The following PCCA variants were observed in gnomAD, a reference collection of about 807,000 sequenced individuals.
PCCA encodes the protein propionyl-CoA carboxylase alpha chain, mitochondrial.
PCCA carries 74 observed loss-of-function variants against 101.3 expected under a neutral mutation model. The observed-to-expected ratio is 0.73, with a 90% CI of 0.61 to 0.89. The LOEUF (loss-of-function observed/expected upper bound fraction) is 0.89. Ranked by LOEUF, PCCA falls within the 40% of genes least tolerant of loss-of-function variation. The probability of loss-of-function intolerance (pLI) is 0.00; values close to 1 mark genes in which losing one functional copy is unlikely to be tolerated. For synonymous variants in PCCA, 294 were observed against 313.6 expected, an observed-to-expected ratio of 0.94 and a Z score of 0.66; for missense variants, 891 against 907.0, an observed-to-expected ratio of 0.98 and a Z score of 0.23.
chr13:100,504,877 G>T (rs549305389), intron 21 of PCCA, among the ~76,000 whole-genome samples: 33 of 152,198 alleles, frequency 2.2e-4, no homozygotes, highest in Admixed American at 8.5e-4. Context: ...AGGCTGCAGT[G>T]AGCCAAGATC....
At chr13:100,463,553 T>G (rs2082317520) in intron 21 of PCCA, among the ~76,000 whole-genome samples, 1 of 152,046 alleles carries the variant, frequency 6.6e-6, no homozygotes, top group Non-Finnish European at 1.5e-5. Flanking sequence ...TGGACTCTAT[T>G]AAAAAGATGG....
intron 7 of PCCA, 42 bp downstream of exon 7, chr13:100,209,505 T>A: frequency 6.4e-7 from 1 of 1,561,410 alleles, no homozygotes; most frequent in South Asian, 1.1e-5. Context: ...GTCTTCAAGT[T>A]AAACATTTTG....
At chr13:100,475,901 A>G (rs2083384121) in intron 21 of PCCA, among the ~76,000 whole-genome samples, 1 of 152,192 alleles carries the variant, frequency 6.6e-6, no homozygotes, top group Non-Finnish European at 1.5e-5. Context: ...TTCCCTAGAA[A>G]TCATAATTAA....
intron 19 of PCCA, among the ~76,000 whole-genome samples, chr13:100,421,680 AT>A (rs1264625622): frequency 1.3e-5 from 2 of 150,826 alleles, no homozygotes; most frequent in Middle Eastern, 3.4e-3. Context: ...CTTGTACATG[AT>A]TTCTTATTTT....
chr13:100,428,637 T>C (rs542508448), intron 20 of PCCA, among the ~76,000 whole-genome samples: 1 of 152,252 alleles, frequency 6.6e-6, no homozygotes, highest in South Asian at 2.1e-4. Flanking sequence ...TTTAATATGC[T>C]TCAGAATCAA....
chr13:100,400,076 C>T (rs1217806281), intron 19 of PCCA, among the ~76,000 whole-genome samples: 6 of 152,168 alleles, frequency 3.9e-5, no homozygotes, highest in Non-Finnish European at 8.8e-5. Context: ...ACGACTGGGA[C>T]TTGCTTCTTA....
intron 19 of PCCA, among the ~76,000 whole-genome samples, chr13:100,371,087 A>T (rs1595634149): frequency 6.6e-6 from 1 of 152,196 alleles, no homozygotes; most frequent in East Asian, 1.9e-4. Flanking sequence ...TTAAAAAGAA[A>T]AATATATAGA....
At chr13:100,400,774 C>T (rs547682681) in intron 19 of PCCA, among the ~76,000 whole-genome samples, 44 of 151,590 alleles carry the variant, frequency 2.9e-4, no homozygotes, top group Admixed American at 7.2e-4. Context: ...TGTAGGTGCC[C>T]GCCACCATGC....
intron 21 of PCCA, among the ~76,000 whole-genome samples, chr13:100,451,991 C>T (rs1331292547): frequency 2.9e-4 from 24 of 83,008 alleles, no homozygotes; most frequent in African/African-American, 1.1e-3. Context: ...TCTCTCTTTT[C>T]TCCCTCTCTC....
At chr13:100,171,646 CG>C (rs1430106194) in intron 6 of PCCA, among the ~76,000 whole-genome samples, 1 of 152,178 alleles carries the variant, frequency 6.6e-6, no homozygotes, top group African/African-American at 2.4e-5. Context: ...CCTAGCAGTT[CG>C]GGAGGCTGAA....
intron 8 of PCCA, among the ~76,000 whole-genome samples, chr13:100,248,201 A>C (rs2061557548): frequency 6.6e-6 from 1 of 151,916 alleles, no homozygotes; most frequent in South Asian, 2.1e-4. Context: ...TTGTATTTAA[A>C]ATTATATTTT....
chr13:100,100,279 A>G (rs1027442856), intron 1 of PCCA, among the ~76,000 whole-genome samples: 5 of 152,116 alleles, frequency 3.3e-5, no homozygotes, highest in African/African-American at 1.2e-4. Flanking sequence ...TTTCTTTTCT[A>G]TGTGTGGAAA....
chr13:100,124,304 A>C (rs1402533206), intron 4 of PCCA, among the ~76,000 whole-genome samples: 1 of 152,128 alleles, frequency 6.6e-6, no homozygotes, highest in Admixed American at 6.5e-5. Flanking sequence ...CTATCTATAC[A>C]TATTTTGTTG....
At chr13:100,199,377 TAA>T (rs1343292695) in intron 6 of PCCA, among the ~76,000 whole-genome samples, 28 of 152,356 alleles carry the variant, frequency 1.8e-4, no homozygotes, top group African/African-American at 6.5e-4. Context: ...TTAAATTTGA[TAA>T]GTCTTTAAAA....
At chr13:100,302,874 G>A (rs1332610979) in intron 13 of PCCA, 50 bp from the exon 14 acceptor site, 1 of 1,006,282 alleles carries the variant, frequency 9.9e-7, no homozygotes, top group Non-Finnish European at 1.6e-6. Context: ...AACCTTACTT[G>A]TGCTGATTTA....
intron 18 of PCCA, among the ~76,000 whole-genome samples, chr13:100,351,017 AG>A (rs1292768800): frequency 2.0e-5 from 3 of 152,176 alleles, no homozygotes; most frequent in African/African-American, 7.2e-5. Context: ...TAGGCAATCA[AG>A]TTTTTATTTC....
intron 21 of PCCA, among the ~76,000 whole-genome samples, chr13:100,451,372 A>C (rs981879949): frequency 1.3e-5 from 2 of 152,228 alleles, no homozygotes; most frequent in Non-Finnish European, 2.9e-5. Context: ...ATTCTTCCAG[A>C]AAATTATGCA....
intron 12 of PCCA, among the ~76,000 whole-genome samples, chr13:100,274,735 T>A (rs1366669756): frequency 1.3e-5 from 2 of 152,148 alleles, no homozygotes; most frequent in Non-Finnish European, 2.9e-5. Flanking sequence ...CACATTGGAT[T>A]CAGGACCCTT....
At chr13:100,213,173 A>G (rs955281997) in intron 7 of PCCA, among the ~76,000 whole-genome samples, 2 of 152,150 alleles carry the variant, frequency 1.3e-5, no homozygotes, top group Non-Finnish European at 2.9e-5. Flanking sequence ...AATGTTGGCT[A>G]TTGTGGATAG....
Sources: gnomAD v4.1 joint callset for allele counts (sites outside exome capture counted in the v4.1 genomes callset) on GRCh38, gnomAD v4.1.1 for gene constraint, MANE v1.5 for transcripts, NCBI Gene and HGNC (gene_info 2026-07-23, HGNC 2026-07-21) for gene names.